BOD1L1: variants seen among roughly 807,000 people sequenced by gnomAD.
BOD1L1 encodes biorientation of chromosomes in cell division protein 1-like 1.
Under a neutral mutation model 240.7 loss-of-function variants are expected in BOD1L1, and 86 were observed. The ratio of observed to expected loss-of-function variants is 0.36; its 90% CI spans 0.30 to 0.43. The LOEUF (loss-of-function observed/expected upper bound fraction) is 0.43. BOD1L1 is among the 20% of genes least tolerant of loss of function. The pLI is 1.00. For synonymous variants in BOD1L1, 1,268 were observed against 1,272.3 expected, an observed-to-expected ratio of 1.00 and a Z score of 0.07; for missense variants, 3,554 against 3,643.5, an observed-to-expected ratio of 0.98 and a Z score of 0.63.
In BOD1L1 at chr4:13,603,598, G is replaced by T; in HGVS notation, c.3302C>A (p.Ser1101Tyr). The change falls in exon 10 of 26, where the codon TCC (serine) becomes TAC (tyrosine). Residue 1101 changes from serine (S) to tyrosine (Y), a missense_variant. Physicochemically the swap from Ser to Tyr is moderately radical, Grantham distance 144. Around this residue, in one of 2 missense-constraint regions of BOD1L1, gnomAD observed 3,393 missense variants for 3,427.1 expected, o/e 0.99. Coordinates refer to ENST00000040738, the MANE Select transcript of BOD1L1 (RefSeq NM_148894.3). Reference protein sequence around the residue: ...ANTLSTPSGSSLQRPKKSGDM... With the variant: ...ANTLSTPSGSYLQRPKKSGDM... ...ACCACTCTTTTTTGGTCTCTGAAGG[G>T]AGGAACCGCTGGGAGTGCTCAAAGT... The T allele has an allele frequency of 6.2e-7, 1 of 1,613,964 alleles. No homozygotes were observed. The highest frequency in any genetic ancestry group is 8.5e-7 in the Non-Finnish European group (1 of 1,179,884).
chr4:13,605,468 C>T (rs1052718443), intron 9 of BOD1L1, among the ~76,000 whole-genome samples: 7 of 152,148 alleles, frequency 4.6e-5, no homozygotes, highest in Non-Finnish European at 7.4e-5. Context: ...GATTCTATAA[C>T]TTGACACTCA....
chr4:13,599,756 T>A lies in BOD1L1; in HGVS notation c.7144A>T (p.Asn2382Tyr). 1 of 1,613,964 alleles carries A rather than the reference T, an allele frequency of 6.2e-7. No homozygotes were observed. Among genetic ancestry groups the A allele is most frequent in the Non-Finnish European group, 8.5e-7 (1 of 1,179,874 alleles). ...ACTGGCCCAGGACACCGACAGTTAT[T>A]CTCAGCAATTAGGCTGGGCATGGGG... is the stretch of plus-strand genomic sequence containing the variant. ...KVPMPSLIAE[N>Y]NCRCPGPVRG... The change falls in exon 10 of 26, where the codon AAT (asparagine) becomes TAT (tyrosine). Residue 2382 changes from asparagine (N) to tyrosine (Y), a missense_variant. By Grantham distance (143) the Asn-to-Tyr change is moderately radical. Around this residue, in one of 2 missense-constraint regions of BOD1L1, gnomAD observed 3,393 missense variants for 3,427.1 expected, o/e 0.99. Transcript: ENST00000040738.
chr4:13,607,113 A>T lies in BOD1L1; in HGVS notation c.1815+4T>A. ...ATTTGAAATGAGGTTTTATTAAGGC[A>T]TACCTCACTTGTTTTAAGGGTTTCT... On this transcript the variant is annotated splice_donor_region_variant and intron_variant, in intron 9 of 25. Transcript: ENST00000040738. 1 of 1,544,476 alleles carries T rather than the reference A, an allele frequency of 6.5e-7. No homozygotes were observed. The highest frequency in any genetic ancestry group is 8.8e-7 in the Non-Finnish European group (1 of 1,140,566).
chr4:13,603,622 G>C lies in BOD1L1; in HGVS notation c.3278C>G (p.Thr1093Ser). The C allele has an allele frequency of 6.2e-7, 1 of 1,613,948 alleles. No homozygotes were observed. Among genetic ancestry groups the C allele is most frequent in the Non-Finnish European group, 8.5e-7 (1 of 1,179,870 alleles). The change falls in exon 10 of 26, where the codon ACT becomes AGT. Residue 1093 changes from threonine (T) to serine (S), a missense_variant. By Grantham distance (58) the Thr-to-Ser change is moderately conservative. Transcript: ENST00000040738. ...AKGEEKLAANTLSTPSGSSLQ... is the reference protein window; with the variant it reads ...AKGEEKLAANSLSTPSGSSLQ... ...GGAGGAACCGCTGGGAGTGCTCAAAGTGTTTGCTGCTAATTTTTCTTCTCC... is the reference window on the plus strand; with the variant it reads ...GGAGGAACCGCTGGGAGTGCTCAAACTGTTTGCTGCTAATTTTTCTTCTCC...
intron 5 of BOD1L1, among the ~76,000 whole-genome samples, chr4:13,612,899 T>C (rs1450750335): frequency 1.3e-5 from 2 of 152,192 alleles, no homozygotes; most frequent in Non-Finnish European, 2.9e-5. Context: ...CCCAAGGCTC[T>C]GGTGAACTTC....
In BOD1L1 at chr4:13,601,477, C is replaced by T. The variant is rs148683937; in HGVS notation, c.5423G>A (p.Gly1808Asp). The change falls in exon 10 of 26, where the codon GGT (glycine) becomes GAT (aspartate). Residue 1808 changes from glycine (G) to aspartate (D), a missense_variant. By Grantham distance (94) the Gly-to-Asp change is moderately conservative. Coordinates refer to ENST00000040738, the MANE Select transcript of BOD1L1 (RefSeq NM_148894.3). Reference protein sequence around the residue: ...EDGEGPASCTGSEDSSEGFAI... With the variant: ...EDGEGPASCTDSEDSSEGFAI... The stretch of plus-strand genomic sequence containing the variant: ...AAAGCCTTCGCTGCTATCTTCTGAA[C>T]CTGTGCAACTTGCTGGCCCCTCTCC... 7.4e-5 allele frequency: 120 copies of T among 1,613,904 alleles called. No homozygotes were observed. The highest frequency in any genetic ancestry group is 9.3e-5 in the Non-Finnish European group (110 of 1,179,896).
chr4:13,605,460 T>C (rs1220808436), intron 9 of BOD1L1, among the ~76,000 whole-genome samples: 1 of 152,160 alleles, frequency 6.6e-6, no homozygotes, highest in Non-Finnish European at 1.5e-5. Context: ...CTCAGCATGA[T>C]TCTATAACTT....
chr4:13,619,370 G>A (rs1386806962), intron 2 of BOD1L1, among the ~76,000 whole-genome samples: 1 of 149,916 alleles, frequency 6.7e-6, no homozygotes, highest in Non-Finnish European at 1.5e-5. Flanking sequence ...CCAAATATTC[G>A]AGTTCTTATA....
At chr4:13,614,116 T>C in intron 4 of BOD1L1, 80 bp downstream of exon 4, 6 of 1,254,836 alleles carry the variant, frequency 4.8e-6, no homozygotes, top group Non-Finnish European at 6.4e-6. Flanking sequence ...TATTAAAATA[T>C]GAAGGCAAAT....
At position 13,614,322 on chromosome 4, in the gene BOD1L1, T is replaced by C. The variant is rs994589805; in HGVS notation, c.1048A>G (p.Lys350Glu). ...ACTTTCTGTGTATCTTCACTCTTTT[T>C]TGAGTGATCAAATTTCTTTTCAGTC... The part of the protein sequence containing the change: ...EKTEKKFDHS[K>E]KSEDTQKVKD... The change falls in exon 4 of 26, where the codon AAA becomes GAA. Residue 350 changes from lysine (K) to glutamate (E), a missense_variant. Transcript: ENST00000040738. 2.5e-5 allele frequency: 38 copies of C among 1,550,564 alleles called. No homozygotes were observed. The highest frequency in any genetic ancestry group is 3.1e-5 in the Non-Finnish European group (36 of 1,146,692).
intron 2 of BOD1L1, among the ~76,000 whole-genome samples, chr4:13,619,402 C>T (rs1716875076): frequency 6.6e-6 from 1 of 151,578 alleles, no homozygotes; most frequent in South Asian, 2.1e-4. Context: ...CTTATGTTCA[C>T]TCAAAATGGC....
Position 13,601,006 on chromosome 4 carries a change from T to A in BOD1L1, c.5894A>T (p.Lys1965Met). Residue 1965 changes from lysine to methionine, a missense_variant, in exon 10 of 26, where the codon AAG (lysine) becomes ATG (methionine). Lys to Met is a moderately conservative substitution (Grantham distance 95). This residue lies in a region of BOD1L1 where 3,393 missense variants were observed against 3,427.1 expected (regional missense o/e 0.99). Coordinates refer to ENST00000040738, the MANE Select transcript of BOD1L1 (RefSeq NM_148894.3). Reference protein sequence around the residue: ...ESSVTSAVSGKDEVTPVPGGC... With the variant: ...ESSVTSAVSGMDEVTPVPGGC... ...TCCTGGAACTGGTGTCACTTCATCC[T>A]TTCCTGAGACTGCACTGGTCACACT... The A allele has an allele frequency of 6.2e-7, 1 of 1,614,046 alleles. No individual in the cohort carries two copies. The highest frequency in any genetic ancestry group is 1.1e-5 in the South Asian group (1 of 91,084).
At chr4:13,588,847 T>C in intron 14 of BOD1L1, 55 bp from the exon 15 acceptor site, 1 of 1,312,298 alleles carries the variant, frequency 7.6e-7, no homozygotes, top group Non-Finnish European at 1.0e-6. Flanking sequence ...TATATTCCAA[T>C]ACTTACTTAG....
chr4:13,602,925 G>A lies in BOD1L1; in HGVS notation c.3975C>T (p.Leu1325=). The A allele has an allele frequency of 6.2e-7, 1 of 1,613,994 alleles. No homozygotes were observed. Among genetic ancestry groups the A allele is most frequent in the East Asian group, 2.2e-5 (1 of 44,876 alleles). ...CCCTAACAGTCAGACTTTGGTTAGG[G>A]AGAGCAGAGTGATCCGCAGGGGAGG... The part of the protein sequence containing the change: ...ASTSPADHSA[L]PNQSLTVRES... The change falls in exon 10 of 26, where the codon CTC becomes CTT. Residue 1325 remains leucine, a synonymous_variant. Transcript: ENST00000040738.
chr4:13,614,279 G>A lies in BOD1L1; in HGVS notation c.1091C>T (p.Ala364Val), dbSNP rs1305928916. Residue 364 changes from alanine to valine, a missense_variant, in exon 4 of 26, where the codon GCA (alanine) becomes GTA (valine). By Grantham distance (64) the Ala-to-Val change is moderately conservative (BLOSUM62 0). Transcript: ENST00000040738. ...DTQKVKDEKQ[A>V]KEKEVESLKL... Reference sequence around the variant, plus strand: ...TAAACTCTCTACTTCTTTTTCCTTTGCTTGTTTTTCATCTTTAACTTTCTG... The same window carrying A: ...TAAACTCTCTACTTCTTTTTCCTTTACTTGTTTTTCATCTTTAACTTTCTG... The A allele has an allele frequency of 3.9e-6, 6 of 1,545,888 alleles. No individual in the cohort carries two copies. In the South Asian group the frequency reaches 6.1e-5, roughly 16 times the overall value.
rs572063528 is a variant in BOD1L1, at chr4:13,573,323, A to T, written c.9039-3195T>A. Among the ~76,000 whole-genome samples, 262 of 152,238 alleles carry T rather than the reference A, an allele frequency of 1.7e-3. 1 individual carries two copies. The highest frequency in any genetic ancestry group is 5.9e-3 in the African/African-American group (247 of 41,548). ...TTCAATTTGAGGCTCAGTAATGAGG[A>T]TGCACACTGAAGAACAATATCCAGA... On this transcript the variant is annotated intron_variant, in intron 25 of 25. Transcript: ENST00000040738.
chr4:13,604,324 T>A lies in BOD1L1; in HGVS notation c.2576A>T (p.Gln859Leu). The A allele has an allele frequency of 6.3e-7, 1 of 1,589,358 alleles. No homozygotes were observed. The highest frequency in any genetic ancestry group is 8.5e-7 in the Non-Finnish European group (1 of 1,172,598). The part of the protein sequence containing the change: ...KIQKDSLGSK[Q>L]HGITLQRRSE... ...TCTTCTCTGTAATGTGATACCATGT[T>A]GCTTGGAACCCAGAGAATCTTTCTG... The change falls in exon 10 of 26, where the codon CAA becomes CTA. Residue 859 changes from glutamine (Q) to leucine (L), a missense_variant. Physicochemically the swap from Gln to Leu is moderately radical, Grantham distance 113. Transcript: ENST00000040738.
chr4:13,585,699 A>G (rs1713622037), intron 17 of BOD1L1, among the ~76,000 whole-genome samples: 1 of 152,160 alleles, frequency 6.6e-6, no homozygotes, highest in African/African-American at 2.4e-5. Flanking sequence ...AGGTCCCATA[A>G]TCCCCACTTG....
rs1182388943 is a variant in BOD1L1, at chr4:13,603,646, C to T, written c.3254G>A (p.Gly1085Glu). ...RGSLSQEMAK[G>E]EEKLAANTLS... ...AGTGTTTGCTGCTAATTTTTCTTCT[C>T]CTTTGGCCATTTCTTGTGACAAGCT... Residue 1085 changes from glycine (G) to glutamate (E), a missense_variant, in exon 10 of 26, where the codon GGA (glycine) becomes GAA (glutamate). Gly to Glu is a moderately conservative substitution (Grantham distance 98). Coordinates refer to ENST00000040738, the MANE Select transcript of BOD1L1 (RefSeq NM_148894.3). The T allele has an allele frequency of 1.2e-5, 20 of 1,613,768 alleles. No individual in the cohort carries two copies. Among genetic ancestry groups the T allele is most frequent in the African/African-American group, 2.7e-5 (2 of 74,870 alleles).
Sources: allele counts gnomAD v4.1 joint callset (sites outside exome capture counted in the v4.1 genomes callset), GRCh38; gene constraint gnomAD v4.1.1; regional missense constraint gnomAD v4.1.1; transcripts MANE v1.5; gene names NCBI Gene and HGNC (gene_info 2026-07-23, HGNC 2026-07-21).